The following IGF2BP1 variants were observed in gnomAD, a reference collection of about 807,000 sequenced individuals.
IGF2BP1 encodes the protein insulin like growth factor 2 mRNA binding protein 1.
IGF2BP1 carries 11 observed loss-of-function variants against 74.9 expected under a neutral mutation model. The observed-to-expected ratio is 0.15, with a 90% CI of 0.09 to 0.24. The LOEUF is 0.24. Ranked by LOEUF, IGF2BP1 falls within the 10% of genes least tolerant of loss-of-function variation. The pLI is 1.00. For missense variants in IGF2BP1, 440 were observed against 757.4 expected (o/e 0.58, Z 4.92); for synonymous variants, 287 against 281.8 (o/e 1.02, Z -0.18).
At position 48,997,994 on chromosome 17, in the gene IGF2BP1, C is replaced by G; in HGVS notation, c.175+74C>G. 3 of 1,523,878 alleles carry G rather than the reference C, an allele frequency of 2.0e-6. No homozygotes were observed. Among genetic ancestry groups the G allele is most frequent in the Non-Finnish European group, 1.8e-6 (2 of 1,121,814 alleles). 94.4% of individuals were successfully genotyped at this position (1,523,878 alleles called of 1,614,324 possible). A position where few individuals can be genotyped will look rare whatever the true frequency, so the allele number is the denominator to read the frequency against. The stretch of plus-strand genomic sequence containing the variant: ...AACGGAGACCCGCACCTTCCGGTTC[C>G]TCTCCCGCCAACTCCTCTCTTCCCG... On this transcript the variant is annotated intron_variant, in intron 1 of 14. Transcript: ENST00000290341. This position sits in a 1 kb window ranked among gnomAD's most constrained non-coding sequence, Gnocchi z 4.8.
intron 2 of IGF2BP1, among the ~76,000 whole-genome samples, chr17:49,015,722 G>A (rs1205642685): frequency 6.6e-6 from 1 of 152,222 alleles, no homozygotes; most frequent in African/African-American, 2.4e-5. Context: ...TGGAGACCAG[G>A]CTGATGTGGA....
Position 49,045,156 on chromosome 17 carries a change from C to T in IGF2BP1, c.1395+91C>T, listed in dbSNP as rs113074591. On this transcript the variant is annotated intron_variant, in intron 12 of 14. Coordinates refer to ENST00000290341, the MANE Select transcript of IGF2BP1 (RefSeq NM_006546.4). ...TAGGAAAAAGGCTGGGTCAGTTTCCCGTTAGCTGTCAAGTCCTCATCACAT... is the reference window on the plus strand; with the variant it reads ...TAGGAAAAAGGCTGGGTCAGTTTCCTGTTAGCTGTCAAGTCCTCATCACAT... 2.3e-3 allele frequency: 2,467 copies of T among 1,077,534 alleles called. 27 individuals carry two copies. The African/African-American group carries it at 0.026, about 11-fold the overall frequency. The allele number at this position is 1,077,534 out of a possible 1,614,324, so 66.7% of individuals were successfully genotyped here.
At chr17:49,011,154 AAAAAAAAAAAAAAC>A (rs1387416432) in intron 2 of IGF2BP1, among the ~76,000 whole-genome samples, 1 of 149,594 alleles carries the variant, frequency 6.7e-6, no homozygotes, top group Non-Finnish European at 1.5e-5. Context: ...AAAAAAAAAA[AAAAAAAAAAAAAAC>A]AAACCCTAAA....
chr17:48,997,505 C>T lies in IGF2BP1; in HGVS notation c.-241C>T, dbSNP rs1211827463. On this transcript the variant is annotated 5_prime_UTR_variant, in exon 1 of 15. Transcript: ENST00000290341. This position sits in a 1 kb window ranked among gnomAD's most constrained non-coding sequence, Gnocchi z 4.8. ...CCGAAGGGAAGAAGCTGCGCCGTGT[C>T]GTCCGTCTCCCTGCGCGCCGCGGGC... 3 of 482,808 alleles carry T rather than the reference C, an allele frequency of 6.2e-6. No homozygotes were observed. The highest frequency in any genetic ancestry group is 2.0e-5 in the African/African-American group (1 of 49,026). 29.9% of individuals were successfully genotyped at this position (482,808 alleles called of 1,614,324 possible). A position where few individuals can be genotyped will look rare whatever the true frequency, so the allele number is the denominator to read the frequency against.
At chr17:49,016,090 C>A (rs977235851) in intron 2 of IGF2BP1, among the ~76,000 whole-genome samples, 1 of 152,242 alleles carries the variant, frequency 6.6e-6, no homozygotes, top group African/African-American at 2.4e-5. Context: ...ACGCACTTAA[C>A]CATACAGAAT....
chr17:49,038,655 GC>G (rs1230770820), intron 6 of IGF2BP1, among the ~76,000 whole-genome samples: 1 of 152,042 alleles, frequency 6.6e-6, no homozygotes, highest in African/African-American at 2.4e-5. Flanking sequence ...GGGGTGCTAG[GC>G]CACACACTCG....
chr17:49,033,553 G>A (rs1246320570), intron 5 of IGF2BP1, among the ~76,000 whole-genome samples: 1 of 151,942 alleles, frequency 6.6e-6, no homozygotes, highest in Admixed American at 6.6e-5. Context: ...ATGTTGGCCA[G>A]GATGGTCTCG....
At position 49,045,993 on chromosome 17, in the gene IGF2BP1, G is replaced by A; in HGVS notation, c.1499G>A (p.Gly500Asp). 6.2e-7 allele frequency: 1 copy of A among 1,614,166 alleles called. No homozygotes were observed. The highest frequency in any genetic ancestry group is 8.5e-7 in the Non-Finnish European group (1 of 1,180,046). The stretch of plus-strand genomic sequence containing the variant: ...ATACGTGTGCCAGCATCAGCAGCTG[G>A]CCGGGTCATTGGCAAAGGTGGAAAA... ...THIRVPASAAGRVIGKGGKTV... is the reference protein window; with the variant it reads ...THIRVPASAADRVIGKGGKTV... The change falls in exon 13 of 15, where the codon GGC becomes GAC. Residue 500 changes from glycine to aspartate, a missense_variant. By Grantham distance (94) the Gly-to-Asp change is moderately conservative (BLOSUM62 -1). Coordinates refer to ENST00000290341, the MANE Select transcript of IGF2BP1 (RefSeq NM_006546.4).
At chr17:48,997,285 C>A (rs1186294301), upstream of IGF2BP1, 1 of 150,534 alleles carries the variant, frequency 6.6e-6, no homozygotes, top group Admixed American at 6.6e-5. This position sits in a 1 kb window ranked among gnomAD's most constrained non-coding sequence, Gnocchi z 4.8. Context: ...CGGGTTTGGC[C>A]GGAGGGCCGA....
chr17:49,009,869 C>T (rs1276343226), intron 2 of IGF2BP1, among the ~76,000 whole-genome samples: 1 of 152,060 alleles, frequency 6.6e-6, no homozygotes, highest in Non-Finnish European at 1.5e-5. Flanking sequence ...CACCTGAGGT[C>T]AGGAGTTCGA....
At chr17:49,041,253 GT>G (rs1198005913) in intron 7 of IGF2BP1, 124 bp from the exon 8 acceptor site, 20 of 978,664 alleles carry the variant, frequency 2.0e-5, no homozygotes, top group Non-Finnish European at 3.1e-5. Context: ...AAAGTATGCA[GT>G]TTGATAAGTT....
chr17:49,041,820 T>G (rs185170323), intron 8 of IGF2BP1, among the ~76,000 whole-genome samples: 1 of 152,214 alleles, frequency 6.6e-6, no homozygotes, highest in African/African-American at 2.4e-5. Flanking sequence ...TTTAGGCTTG[T>G]CTGTCACTGT....
At chr17:49,048,629 C>T (rs555120753) in intron 14 of IGF2BP1, among the ~76,000 whole-genome samples, 2 of 152,100 alleles carry the variant, frequency 1.3e-5, no homozygotes, top group Admixed American at 6.6e-5. Flanking sequence ...TTCTAAGTTA[C>T]GACCCTCTAC....
At chr17:49,045,834 T>C (rs1378744346) in intron 12 of IGF2BP1, 56 bp from the exon 13 acceptor site, 4 of 1,570,302 alleles carry the variant, frequency 2.5e-6, no homozygotes, top group Non-Finnish European at 1.7e-6. Context: ...TTTCCCACTT[T>C]TCTCTTTTGT....
At position 48,997,678 on chromosome 17, in the gene IGF2BP1, G is replaced by A; in HGVS notation, c.-68G>A. On this transcript the variant is annotated 5_prime_UTR_variant, in exon 1 of 15. Coordinates refer to ENST00000290341, the MANE Select transcript of IGF2BP1 (RefSeq NM_006546.4). The surrounding 1 kb of genome is among the most constrained non-coding windows in gnomAD (Gnocchi z 4.8). ...CCGGCCTCTCCGCCTCTTGGCCTAGGAGGCTCGCCGCCCGCGCCCGCTCGT... is the reference window on the plus strand; with the variant it reads ...CCGGCCTCTCCGCCTCTTGGCCTAGAAGGCTCGCCGCCCGCGCCCGCTCGT... 1 of 1,547,098 alleles carries A rather than the reference G, an allele frequency of 6.5e-7. No individual in the cohort carries two copies.
At chr17:49,017,382 C>T (rs1206717681) in intron 2 of IGF2BP1, among the ~76,000 whole-genome samples, 1 of 152,112 alleles carries the variant, frequency 6.6e-6, no homozygotes, top group East Asian at 1.9e-4. Context: ...CAGTGCCCAG[C>T]ACTGTCCAAT....
chr17:49,047,487 A>T (rs2144153422), intron 14 of IGF2BP1, among the ~76,000 whole-genome samples: 1 of 152,214 alleles, frequency 6.6e-6, no homozygotes, highest in South Asian at 2.1e-4. Flanking sequence ...AATGAAGCTT[A>T]AGAGGGTAAA....
Position 48,997,994 on chromosome 17 carries a change from C to A in IGF2BP1, c.175+74C>A. 1 of 1,523,878 alleles carries A rather than the reference C, an allele frequency of 6.6e-7. No homozygotes were observed. Among genetic ancestry groups the A allele is most frequent in the Non-Finnish European group, 8.9e-7 (1 of 1,121,814 alleles). The allele number at this position is 1,523,878 out of a possible 1,614,324, so 94.4% of individuals were successfully genotyped here. On this transcript the variant is annotated intron_variant, in intron 1 of 14. Transcript: ENST00000290341. The surrounding 1 kb of genome is among the most constrained non-coding windows in gnomAD (Gnocchi z 4.8). ...AACGGAGACCCGCACCTTCCGGTTC[C>A]TCTCCCGCCAACTCCTCTCTTCCCG... is the stretch of plus-strand genomic sequence containing the variant.
intron 1 of IGF2BP1, among the ~76,000 whole-genome samples, chr17:48,998,366 A>T (rs990855291): frequency 1.3e-5 from 2 of 152,250 alleles, no homozygotes; most frequent in East Asian, 1.9e-4. Context: ...TGGAAGGGGT[A>T]CCCGGACCGC....
Sources: allele counts gnomAD v4.1 joint callset (sites outside exome capture counted in the v4.1 genomes callset), GRCh38; gene constraint gnomAD v4.1.1; non-coding constraint Gnocchi (gnomAD v3.1); transcripts MANE v1.5; gene names NCBI Gene and HGNC (gene_info 2026-07-23, HGNC 2026-07-21).